The following ACLY variants were observed in gnomAD, a reference collection of about 807,000 sequenced individuals.
The protein encoded by ACLY is ATP-citrate synthase.
ACLY carries 41 observed loss-of-function variants against 133.0 expected under a neutral mutation model. The ratio of observed to expected loss-of-function variants is 0.31; its 90% CI spans 0.24 to 0.40. The LOEUF is 0.40. ACLY is among the 10% of genes least tolerant of loss of function. The probability of loss-of-function intolerance (pLI) is 1.00; values close to 1 mark genes in which losing one functional copy is unlikely to be tolerated. For synonymous variants in ACLY, 495 were observed against 549.3 expected (o/e 0.90, Z 1.38); for missense variants, 1,046 against 1,453.8 (o/e 0.72, Z 4.56).
intron 25 of ACLY, 64 bp from the exon 26 acceptor site, chr17:41,869,651 TTG>T (rs1203363518): frequency 1.9e-5 from 26 of 1,396,014 alleles, no homozygotes; most frequent in Non-Finnish European, 2.5e-5. Context: ...TTGTTCATAC[TTG>T]TGTTACAGGT....
At chr17:41,919,512 T>C (rs943129122), upstream of ACLY, among the ~76,000 whole-genome samples, 1 of 152,190 alleles carries the variant, frequency 6.6e-6, no homozygotes, top group Non-Finnish European at 1.5e-5. Flanking sequence ...CTCTCCCCAC[T>C]GGGCCGATGA....
intron 22 of ACLY, among the ~76,000 whole-genome samples, chr17:41,874,660 G>A (rs1409021906): frequency 2.0e-5 from 3 of 148,618 alleles, no homozygotes; most frequent in South Asian, 2.1e-4. Flanking sequence ...TGCAAGCTCC[G>A]CCTCCCAGGT....
chr17:41,886,083 A>G, intron 18 of ACLY, 29 bp downstream of exon 18: 2 of 1,600,826 alleles, frequency 1.2e-6, no homozygotes, highest in Non-Finnish European at 1.7e-6. Context: ...CAAAGCAGGA[A>G]GCCCCTCCTT....
At chr17:41,911,415 T>A (rs1486422019) in intron 3 of ACLY, among the ~76,000 whole-genome samples, 1 of 152,218 alleles carries the variant, frequency 6.6e-6, no homozygotes, top group African/African-American at 2.4e-5. Flanking sequence ...CCCTGGGGAA[T>A]AAGAAGAAAC....
intron 1 of ACLY, among the ~76,000 whole-genome samples, chr17:41,929,205 C>T (rs2050282344): frequency 6.6e-6 from 1 of 151,986 alleles, no homozygotes; most frequent in Admixed American, 6.6e-5. Context: ...AGTGATCCTC[C>T]TGCCTCAGCT....
At chr17:41,869,167 C>A (rs376089233) in intron 26 of ACLY, 42 bp from the exon 27 acceptor site, 4 of 1,534,448 alleles carry the variant, frequency 2.6e-6, no homozygotes, top group East Asian at 2.2e-5. Context: ...CATTATTTCT[C>A]ATTTTTTCTT....
Position 41,894,470 on chromosome 17 carries a change from C to T in ACLY, c.1460-1296G>A, listed in dbSNP as rs915588183. 4.0e-5 allele frequency among the ~76,000 whole-genome samples: 6 copies of T among 150,072 alleles called. No individual in the cohort carries two copies. In the South Asian group the frequency reaches 8.5e-4, roughly 21 times the overall value. The stretch of plus-strand genomic sequence containing the variant: ...GGGCATAGTGGTGCGTGCTTGAGTC[C>T]TAGCTACTTAGGAGACTGAGATGGG... On this transcript the variant is annotated intron_variant, in intron 14 of 28. Transcript: ENST00000352035.
rs1163143273 is a variant in ACLY, at chr17:41,901,733, G to A, written c.1146C>T (p.Pro382=). 1 of 1,610,658 alleles carries A rather than the reference G, an allele frequency of 6.2e-7. No individual in the cohort carries two copies. The highest frequency in any genetic ancestry group is 8.5e-7 in the Non-Finnish European group (1 of 1,178,042). The change falls in exon 11 of 29, where the codon CCC becomes CCT. Residue 382 remains proline, a synonymous_variant. Transcript: ENST00000352035. ...TCACCCGTAAGCCCTCCTGATAGTT[G>A]GGGCCACCTCTTCGGACAAAGATTG... The part of the protein sequence containing the change: ...EVTIFVRRGG[P]NYQEGLRVMG...
At chr17:41,904,693 T>C (rs2049658815) in intron 10 of ACLY, 36 bp downstream of exon 10, 4 of 1,605,856 alleles carry the variant, frequency 2.5e-6, no homozygotes, top group Middle Eastern at 1.7e-4. Flanking sequence ...CCCAAACCAC[T>C]TTCCCCAGAA....
At position 41,867,711 on chromosome 17, in the gene ACLY, C is replaced by T. The variant is rs993712465; in HGVS notation, c.*99G>A. 1.9e-5 allele frequency: 18 copies of T among 949,372 alleles called. No homozygotes were observed. Among genetic ancestry groups the T allele is most frequent in the Non-Finnish European group, 2.8e-5 (18 of 638,056 alleles). The allele number at this position is 949,372 out of a possible 1,614,324, so 58.8% of individuals were successfully genotyped here. Reference sequence around the variant, plus strand: ...CAGTGGCTGTTTACATTCCAGGCCCCTGCTAAATAAAGCAGGCTCCACTGC... The same window carrying T: ...CAGTGGCTGTTTACATTCCAGGCCCTTGCTAAATAAAGCAGGCTCCACTGC... On this transcript the variant is annotated 3_prime_UTR_variant, in exon 29 of 29. Transcript: ENST00000352035.
upstream of ACLY, among the ~76,000 whole-genome samples, chr17:41,921,479 GAAAAAAA>G (rs782660866): frequency 2.4e-5 from 1 of 42,434 alleles, no homozygotes; most frequent in Non-Finnish European, 4.8e-5. Context: ...CCCTGTCTCA[GAAAAAAA>G]AAAAAAAAAC....
chr17:41,924,627 A>G (rs542397209), intron 1 of ACLY, among the ~76,000 whole-genome samples: 2 of 152,128 alleles, frequency 1.3e-5, no homozygotes, highest in Non-Finnish European at 2.9e-5. Context: ...CAAACCTTCC[A>G]TCAGAGCTAA....
Position 41,887,966 on chromosome 17 carries a change from A to G in ACLY, c.1771-263T>C, listed in dbSNP as rs530496916. On this transcript the variant is annotated intron_variant, in intron 16 of 28. Coordinates refer to ENST00000352035, the MANE Select transcript of ACLY (RefSeq NM_001096.3). ...AACGTAGCAAAACCCCGTCTCTACT[A>G]AAAATACAAAAATTAGCTGGGTATG... is the stretch of plus-strand genomic sequence containing the variant. 2.6e-4 allele frequency among the ~76,000 whole-genome samples: 39 copies of G among 152,100 alleles called. No homozygotes were observed. The East Asian group carries it at 7.4e-3, about 29-fold the overall frequency.
intron 7 of ACLY, 116 bp from the exon 8 acceptor site, chr17:41,906,762 G>A (rs2049731523): frequency 2.2e-6 from 2 of 914,438 alleles, no homozygotes; most frequent in South Asian, 2.9e-5. Context: ...TTAATGGGGT[G>A]GGAAGAAGGG....
Position 41,869,091 on chromosome 17 carries a change from A to G in ACLY, c.3086T>C (p.Ile1029Thr), listed in dbSNP as rs202088037. 9 of 1,614,114 alleles carry G rather than the reference A, an allele frequency of 5.6e-6. No homozygotes were observed. The Admixed American group carries it at 1.3e-4, about 24-fold the overall frequency. The part of the protein sequence containing the change: ...PNLILNVDGL[I>T]GVAFVDMLRN... ...AAGCATGTCTACAAATGCGACTCCGATGAGACCATCTACATTCAGGATAAG... is the reference window on the plus strand; with the variant it reads ...AAGCATGTCTACAAATGCGACTCCGGTGAGACCATCTACATTCAGGATAAG... The change falls in exon 27 of 29, where the codon ATC becomes ACC. Residue 1029 changes from isoleucine to threonine, a missense_variant. Around this residue, in one of 4 missense-constraint regions of ACLY, gnomAD observed 205 missense variants for 373.3 expected, o/e 0.55. Transcript: ENST00000352035.
intron 22 of ACLY, among the ~76,000 whole-genome samples, chr17:41,876,533 T>A (rs546126763): frequency 4.6e-5 from 7 of 152,320 alleles, no homozygotes; most frequent in African/African-American, 1.7e-4. Flanking sequence ...TAGAAAGAAG[T>A]AGACATGGGA....
At chr17:41,884,154 A>G in intron 19 of ACLY, 39 bp downstream of exon 19, 1 of 1,263,074 alleles carries the variant, frequency 7.9e-7, no homozygotes, top group Non-Finnish European at 1.2e-6. Flanking sequence ...CATGCATTAC[A>G]GTTTTAAAAT....
chr17:41,884,386 G>A, intron 18 of ACLY, 112 bp from the exon 19 acceptor site: 1 of 721,942 alleles, frequency 1.4e-6, no homozygotes, highest in Non-Finnish European at 2.5e-6. Flanking sequence ...GGGGGATGTG[G>A]ATGGCCAGTA....
At chr17:41,914,471 C>T (rs2049995766) in intron 1 of ACLY, among the ~76,000 whole-genome samples, 1 of 152,164 alleles carries the variant, frequency 6.6e-6, no homozygotes, top group Non-Finnish European at 1.5e-5. Flanking sequence ...GTTTACTTAG[C>T]CTCAAAAAGG....
Sources: gnomAD v4.1 joint callset for allele counts (sites outside exome capture counted in the v4.1 genomes callset) on GRCh38, gnomAD v4.1.1 for gene constraint, gnomAD v4.1.1 regional missense constraint, MANE v1.5 for transcripts, NCBI Gene and HGNC (gene_info 2026-07-23, HGNC 2026-07-21) for gene names.